CSMD1: variants seen among roughly 807,000 people sequenced by gnomAD.
CSMD1 encodes CUB and Sushi multiple domains 1.
In CSMD1, 213 loss-of-function variants were observed where a neutral mutation model predicts 417.5. The ratio of observed to expected loss-of-function variants is 0.51; its 90% CI spans 0.46 to 0.57. The LOEUF is 0.57. CSMD1 is among the 20% of genes least tolerant of loss of function. The pLI is 0.00. For synonymous variants in CSMD1, 2,862 were observed against 1,736.8 expected (o/e 1.65, Z -16.11); for missense variants, 6,923 against 4,529.7 (o/e 1.53, Z -15.17).
At chr8:3,859,915 C>T (rs1340536359) in intron 5 of CSMD1, among the ~76,000 whole-genome samples, 2 of 152,138 alleles carry the variant, frequency 1.3e-5, no homozygotes, top group African/African-American at 2.4e-5. Context: ...CTGTAATAAG[C>T]TATAACCATG....
chr8:3,783,992 G>A (rs1018301785), intron 5 of CSMD1, among the ~76,000 whole-genome samples: 1 of 152,178 alleles, frequency 6.6e-6, no homozygotes, highest in Non-Finnish European at 1.5e-5. Context: ...TCTGGTGCCT[G>A]ACCTTTCTTA....
chr8:3,658,989 G>C (rs1003371816), intron 7 of CSMD1, among the ~76,000 whole-genome samples: 1 of 152,114 alleles, frequency 6.6e-6, no homozygotes, highest in Non-Finnish European at 1.5e-5. Context: ...TTTGTAGTGT[G>C]TTCTTCTAAA....
chr8:4,163,679 A>G (rs1399872536), intron 3 of CSMD1, among the ~76,000 whole-genome samples: 1 of 152,208 alleles, frequency 6.6e-6, no homozygotes, highest in East Asian at 1.9e-4. Flanking sequence ...TAAAACAAGA[A>G]GTAACATATA....
intron 2 of CSMD1, among the ~76,000 whole-genome samples, chr8:4,467,537 C>T (rs1485295813): frequency 6.6e-6 from 1 of 152,162 alleles, no homozygotes; most frequent in Non-Finnish European, 1.5e-5. Context: ...CTTTACTTAG[C>T]ACATTAAACC....
At position 3,721,377 on chromosome 8, in the gene CSMD1, C is replaced by G. The variant is rs149802359; in HGVS notation, c.932-12886G>C. On this transcript the variant is annotated intron_variant, in intron 6 of 69. Transcript: ENST00000635120. ...GCAGATGAAAGTGAATCATCAACGT[C>G]TCTAGCCCAGGTTTTTAGGATCAGT... 2.4e-3 allele frequency among the ~76,000 whole-genome samples: 368 copies of G among 152,204 alleles called. 2 individuals carry two copies. The highest frequency in any genetic ancestry group is 0.02 in the Middle Eastern group (6 of 294).
At chr8:3,643,450 C>G (rs1247516120) in intron 7 of CSMD1, among the ~76,000 whole-genome samples, 2 of 151,918 alleles carry the variant, frequency 1.3e-5, no homozygotes, top group African/African-American at 4.8e-5. Flanking sequence ...CGCCTGTAAT[C>G]CTAGCACTTT....
At chr8:3,152,941 T>C (rs1449198883) in intron 39 of CSMD1, among the ~76,000 whole-genome samples, 1 of 152,178 alleles carries the variant, frequency 6.6e-6, no homozygotes, top group Admixed American at 6.5e-5. Context: ...TAGATGTGTA[T>C]ATCCAACTGT....
intron 1 of CSMD1, among the ~76,000 whole-genome samples, chr8:4,678,115 G>C (rs1288488670): frequency 6.6e-6 from 1 of 151,986 alleles, no homozygotes; most frequent in Non-Finnish European, 1.5e-5. Context: ...GAGCAAAACA[G>C]TCTAAAAAGA....
chr8:3,722,273 A>C (rs1370839589), intron 6 of CSMD1, among the ~76,000 whole-genome samples: 1 of 152,106 alleles, frequency 6.6e-6, no homozygotes, highest in African/African-American at 2.4e-5. Context: ...ACACCACTGC[A>C]CTCCAGCCTG....
At chr8:4,712,543 A>T (rs771660797) in intron 1 of CSMD1, among the ~76,000 whole-genome samples, 2 of 152,192 alleles carry the variant, frequency 1.3e-5, no homozygotes, top group African/African-American at 2.4e-5. Flanking sequence ...CAGAGCAAAG[A>T]TAGTAAGTGA....
intron 7 of CSMD1, chr8:3,702,374 T>C (rs917417859): frequency 1.3e-5 from 2 of 152,202 alleles, no homozygotes; most frequent in African/African-American, 4.8e-5. Context: ...CAATGTTTTG[T>C]TTATCTTTCT....
rs1005626728 is a variant in CSMD1, at chr8:4,889,090, G to A, written c.85+105242C>T. On this transcript the variant is annotated intron_variant, in intron 1 of 69. Transcript: ENST00000635120. The stretch of plus-strand genomic sequence containing the variant: ...TAAGCCCAGTGAATGAACGTTTGAT[G>A]AGAAACGGAATATGTGCAATGTCCG... 3.3e-5 allele frequency among the ~76,000 whole-genome samples: 5 copies of A among 152,104 alleles called. 1 individual carries two copies. Among genetic ancestry groups the A allele is most frequent in the South Asian group, 2.1e-4 (1 of 4,830 alleles).
chr8:3,695,168 T>A (rs765849051), intron 7 of CSMD1, among the ~76,000 whole-genome samples: 1 of 151,274 alleles, frequency 6.6e-6, no homozygotes, highest in Non-Finnish European at 1.5e-5. Context: ...GGGGGACATA[T>A]TTCCAAGGAC....
intron 18 of CSMD1, among the ~76,000 whole-genome samples, chr8:3,378,328 G>A (rs1269255171): frequency 1.3e-5 from 2 of 152,074 alleles, no homozygotes; most frequent in Non-Finnish European, 2.9e-5. Flanking sequence ...GTACAAAGAG[G>A]AGCTGGTACC....
chr8:3,091,855 C>A (rs1459906494), intron 47 of CSMD1, among the ~76,000 whole-genome samples, 193 bp from the exon 48 acceptor site: 1 of 151,964 alleles, frequency 6.6e-6, no homozygotes, highest in African/African-American at 2.4e-5. Context: ...CAATAATGTA[C>A]AAAAAGAATT....
intron 42 of CSMD1, among the ~76,000 whole-genome samples, chr8:3,116,132 G>C (rs915975751): frequency 6.6e-6 from 1 of 151,992 alleles, no homozygotes; most frequent in Non-Finnish European, 1.5e-5. Context: ...CACAAGTAAA[G>C]CACCTTTTGC....
chr8:4,847,954 C>G (rs897979335), intron 1 of CSMD1, among the ~76,000 whole-genome samples: 1 of 152,148 alleles, frequency 6.6e-6, no homozygotes, highest in African/African-American at 2.4e-5. Context: ...GCACCACCCC[C>G]CATCCCTTCA....
chr8:3,386,206 G>A (rs1394493388), intron 18 of CSMD1, among the ~76,000 whole-genome samples: 1 of 152,164 alleles, frequency 6.6e-6, no homozygotes, highest in East Asian at 1.9e-4. Flanking sequence ...GAACCCTTTT[G>A]CATCTCTATT....
At chr8:4,827,923 C>G (rs1367070504) in intron 1 of CSMD1, among the ~76,000 whole-genome samples, 1 of 152,136 alleles carries the variant, frequency 6.6e-6, no homozygotes, top group Non-Finnish European at 1.5e-5. Context: ...AATGTCAAAT[C>G]CAATATTCAT....
Sources: gnomAD v4.1 joint callset for allele counts (sites outside exome capture counted in the v4.1 genomes callset) on GRCh38, gnomAD v4.1.1 for gene constraint, MANE v1.5 for transcripts, NCBI Gene and HGNC (gene_info 2026-07-23, HGNC 2026-07-21) for gene names.